The following SMG6 variants were observed in gnomAD, a reference collection of about 807,000 sequenced individuals.
The protein encoded by SMG6 is SMG6 nonsense mediated mRNA decay factor.
A neutral mutation model predicts 142.2 loss-of-function variants in SMG6; 66 were observed. The ratio of observed to expected loss-of-function variants is 0.46; its 90% CI spans 0.38 to 0.57. The LOEUF is 0.57. SMG6 is among the 20% of genes least tolerant of loss of function. SMG6 has a pLI of 0.00. For missense variants in SMG6, 1,793 were observed against 1,832.0 expected (o/e 0.98, Z 0.39); for synonymous variants, 779 against 702.4 (o/e 1.11, Z -1.72).
chr17:2,206,609 A>C (rs1021227569), intron 10 of SMG6, among the ~76,000 whole-genome samples: 9 of 152,032 alleles, frequency 5.9e-5, no homozygotes, highest in Admixed American at 2.6e-4. Flanking sequence ...GGCGGGGAGC[A>C]GTGGCTCATG....
rs1567762795 is a variant in SMG6 at position 2,299,498 on chromosome 17, CAGAT to C, written c.1251_1254del (p.Val419IlefsTer48). 1.9e-6 allele frequency: 3 copies of C among 1,614,158 alleles called. No homozygotes were observed. Among genetic ancestry groups the C allele is most frequent in the Non-Finnish European group, 2.5e-6 (3 of 1,180,030 alleles). On this transcript the variant is annotated frameshift_variant, in exon 2 of 19. Transcript: ENST00000263073. LOFTEE classifies it high-confidence loss of function. The surrounding 1 kb of genome is among the most constrained non-coding windows in gnomAD (Gnocchi z 4.3). ...GACTCTGGAGAACCTGCTGAATTGA[CAGAT>C]AGGGTGGTATGGGCAGGCAAAATCA...
intron 13 of SMG6, among the ~76,000 whole-genome samples, chr17:2,132,219 C>T (rs904154523): frequency 1.2e-4 from 19 of 152,320 alleles, no homozygotes; most frequent in South Asian, 2.1e-4. Context: ...TCTGTATCCC[C>T]ATAACTGGAA....
intron 15 of SMG6, among the ~76,000 whole-genome samples, chr17:2,076,431 C>T (rs1328513317): frequency 6.6e-6 from 1 of 152,174 alleles, no homozygotes; most frequent in African/African-American, 2.4e-5. Context: ...GATTTTCCCC[C>T]CTTAAATTAA....
rs966706281 is a variant in SMG6 at position 2,147,955 on chromosome 17, C to T, written c.3357+24703G>A. Among the ~76,000 whole-genome samples, 5 of 151,878 alleles carry T rather than the reference C, an allele frequency of 3.3e-5. No individual in the cohort carries two copies. The East Asian group carries it at 5.8e-4, about 18-fold the overall frequency. ...CGCCTTAAATCCCAGTGCTTTGGGCCGAGGTGGGTGGATCGCTTGAGCTCA... is the reference window on the plus strand; with the variant it reads ...CGCCTTAAATCCCAGTGCTTTGGGCTGAGGTGGGTGGATCGCTTGAGCTCA... On this transcript the variant is annotated intron_variant, in intron 13 of 18. Transcript: ENST00000263073.
chr17:2,106,634 C>A (rs954834848), intron 13 of SMG6, among the ~76,000 whole-genome samples: 6 of 152,038 alleles, frequency 3.9e-5, no homozygotes, highest in African/African-American at 7.2e-5. Flanking sequence ...CCAGACCCAG[C>A]CGATTATGAG....
At chr17:2,126,959 C>A (rs1286311493) in intron 13 of SMG6, among the ~76,000 whole-genome samples, 1 of 151,868 alleles carries the variant, frequency 6.6e-6, no homozygotes, top group East Asian at 1.9e-4. Flanking sequence ...CACACACACA[C>A]ATATACGCGT....
intron 13 of SMG6, among the ~76,000 whole-genome samples, chr17:2,109,171 T>C (rs1488666359): frequency 6.6e-6 from 1 of 152,234 alleles, no homozygotes; most frequent in Non-Finnish European, 1.5e-5. Flanking sequence ...GAGTTGACAG[T>C]ATCTCATCTG....
intron 8 of SMG6, among the ~76,000 whole-genome samples, chr17:2,269,040 T>C (rs920833670): frequency 1.3e-5 from 2 of 151,562 alleles, no homozygotes; most frequent in African/African-American, 2.4e-5. Flanking sequence ...CCGTCTCTAC[T>C]AAAAATACAA....
rs2070387066 is a variant in SMG6, at chr17:2,138,909, T to TG, written c.3357+33748dup. Among the ~76,000 whole-genome samples the TG allele has an allele frequency of 2.0e-5, 3 of 152,164 alleles. No homozygotes were observed. The South Asian group carries it at 6.2e-4, about 32-fold the overall frequency. On this transcript the variant is annotated intron_variant, in intron 13 of 18. Transcript: ENST00000263073. ...TCATTCCCCATTTGAAGTGGAGGCTTGGGTCATGCATGGTTTATTTGAAAC... is the reference window on the plus strand; with the variant it reads ...TCATTCCCCATTTGAAGTGGAGGCTTGGGGTCATGCATGGTTTATTTGAAAC...
intron 13 of SMG6, among the ~76,000 whole-genome samples, chr17:2,113,233 T>G (rs531668416): frequency 1.3e-5 from 2 of 152,014 alleles, no homozygotes; most frequent in Non-Finnish European, 2.9e-5. Flanking sequence ...TGTGCCACCA[T>G]GCCTGGCCAA....
At chr17:2,243,526 C>T (rs1191506036) in intron 9 of SMG6, among the ~76,000 whole-genome samples, 1 of 152,080 alleles carries the variant, frequency 6.6e-6, no homozygotes, top group Non-Finnish European at 1.5e-5. Flanking sequence ...GCTAAAAATG[C>T]AAAAATTAGC....
chr17:2,103,954 C>CTT (rs572734238), intron 13 of SMG6, among the ~76,000 whole-genome samples: 2 of 141,826 alleles, frequency 1.4e-5, no homozygotes, highest in Non-Finnish European at 1.6e-5. Flanking sequence ...TCAACACATT[C>CTT]TTTTTTTTTT....
chr17:2,155,855 G>A (rs535201132), intron 13 of SMG6, among the ~76,000 whole-genome samples: 18 of 152,212 alleles, frequency 1.2e-4, no homozygotes, highest in African/African-American at 3.4e-4. Context: ...ATCATCCACC[G>A]TCTGGTTTTA....
intron 4 of SMG6, among the ~76,000 whole-genome samples, chr17:2,294,667 A>G (rs1432009781): frequency 2.0e-5 from 3 of 152,194 alleles, no homozygotes; most frequent in Non-Finnish European, 2.9e-5. Context: ...TCAGTCTCAC[A>G]GGATTCTTTA....
chr17:2,216,420 A>T (rs2073022369), intron 10 of SMG6, among the ~76,000 whole-genome samples: 1 of 152,218 alleles, frequency 6.6e-6, no homozygotes, highest in Non-Finnish European at 1.5e-5. Context: ...AGTCTACTGT[A>T]ACATTACCAT....
chr17:2,274,051 C>A (rs570066641), intron 8 of SMG6, among the ~76,000 whole-genome samples: 1 of 152,234 alleles, frequency 6.6e-6, no homozygotes, highest in South Asian at 2.1e-4. Context: ...ACTAGGCCCA[C>A]AGGCCAAATT....
At chr17:2,222,549 C>G (rs1043304787) in intron 10 of SMG6, among the ~76,000 whole-genome samples, 260 of 7,410 alleles carry the variant, frequency 0.035, no homozygotes, top group Non-Finnish European at 0.051. Flanking sequence ...AATGCGGGGG[C>G]GGGGGGGGGG....
chr17:2,107,831 G>A (rs1426455108), intron 13 of SMG6, among the ~76,000 whole-genome samples: 1 of 152,202 alleles, frequency 6.6e-6, no homozygotes, highest in East Asian at 1.9e-4. Flanking sequence ...AGAAAGGAAT[G>A]GTGCCGAAAG....
intron 10 of SMG6, among the ~76,000 whole-genome samples, chr17:2,233,880 C>T (rs1339595443): frequency 6.6e-6 from 1 of 152,208 alleles, no homozygotes; most frequent in East Asian, 1.9e-4. Context: ...CTCAGCTGCA[C>T]ACTGGGTACT....
Sources: allele counts gnomAD v4.1 joint callset (sites outside exome capture counted in the v4.1 genomes callset), GRCh38; gene constraint gnomAD v4.1.1; non-coding constraint Gnocchi (gnomAD v3.1); transcripts MANE v1.5; gene names NCBI Gene and HGNC (gene_info 2026-07-23, HGNC 2026-07-21).